RASAL2: variants seen among roughly 807,000 people sequenced by gnomAD.
RASAL2 encodes the protein ras GTPase-activating protein nGAP.
In RASAL2, 58 loss-of-function variants were observed where a neutral mutation model predicts 128.9. The observed-to-expected ratio is 0.45, with a 90% confidence interval of 0.36 to 0.56. The LOEUF is 0.56. RASAL2 is among the 20% of genes least tolerant of loss of function. The pLI is 0.00. For synonymous variants in RASAL2, 561 were observed against 580.8 expected (o/e 0.97, Z 0.49); for missense variants, 1,360 against 1,601.6 (o/e 0.85, Z 2.57).
intron 1 of RASAL2, among the ~76,000 whole-genome samples, chr1:178,103,962 G>T (rs1354688781): frequency 6.6e-6 from 1 of 151,660 alleles, no homozygotes; most frequent in Admixed American, 6.6e-5. Flanking sequence ...CCTTTATTTT[G>T]TAACCTCAGA....
At chr1:178,431,767 G>A (rs1007819533) in intron 5 of RASAL2, among the ~76,000 whole-genome samples, 3 of 151,456 alleles carry the variant, frequency 2.0e-5, no homozygotes, top group Non-Finnish European at 4.4e-5. Flanking sequence ...GTTCCAATAT[G>A]GATAGAAGTC....
intron 1 of RASAL2, among the ~76,000 whole-genome samples, chr1:178,244,754 G>A (rs1052004861): frequency 7.2e-5 from 11 of 152,076 alleles, no homozygotes; most frequent in African/African-American, 2.2e-4. Flanking sequence ...AGGCCCCGGT[G>A]TGTGATGATC....
chr1:178,152,302 C>T (rs192303026), intron 1 of RASAL2, among the ~76,000 whole-genome samples: 1 of 152,300 alleles, frequency 6.6e-6, no homozygotes, highest in East Asian at 1.9e-4. Flanking sequence ...CTATGTGTCC[C>T]TCTTCCCCAT....
intron 1 of RASAL2, among the ~76,000 whole-genome samples, chr1:178,127,106 C>T (rs1343539665): frequency 1.3e-5 from 2 of 152,130 alleles, no homozygotes; most frequent in African/African-American, 2.4e-5. Context: ...GTTGACTCAA[C>T]CTGTAATGAT....
intron 3 of RASAL2, among the ~76,000 whole-genome samples, chr1:178,380,169 G>T (rs1384043737): frequency 1.3e-5 from 2 of 152,162 alleles, no homozygotes; most frequent in African/African-American, 2.4e-5. Flanking sequence ...GATTACAGGC[G>T]TGAGTCACCG....
chr1:178,341,509 C>A (rs1178740652), intron 3 of RASAL2: 2 of 1,595,906 alleles, frequency 1.3e-6, no homozygotes, highest in Non-Finnish European at 1.7e-6. Context: ...GGAAAGCGAG[C>A]ACAGGCGAGT....
At chr1:178,379,101 TAAA>T (rs1260010114) in intron 3 of RASAL2, among the ~76,000 whole-genome samples, 1 of 152,130 alleles carries the variant, frequency 6.6e-6, no homozygotes, top group Non-Finnish European at 1.5e-5. Context: ...TAGACTATTA[TAAA>T]AAAGACCTTT....
rs1422668270 is a variant in RASAL2, at chr1:178,466,065, A to C, written c.3533A>C (p.Glu1178Ala). 1 of 1,582,394 alleles carries C rather than the reference A, an allele frequency of 6.3e-7. No homozygotes were observed. ...EYKARLEDSE[E>A]RLRRQQEEKD... is the part of the protein sequence containing the mutation. ...AAGGCCCGACTGGAGGACAGCGAGG[A>C]GCGGCTCCGAAGACAGCAGGAAGAA... Residue 1178 changes from glutamate (E) to alanine (A), a missense_variant, in exon 16 of 18, where the codon GAG becomes GCG. Physicochemically the swap from Glu to Ala is moderately radical, Grantham distance 107. Transcript: ENST00000367649.
intron 1 of RASAL2, among the ~76,000 whole-genome samples, chr1:178,240,141 C>T (rs1384330108): frequency 6.6e-6 from 1 of 151,994 alleles, no homozygotes; most frequent in Non-Finnish European, 1.5e-5. Flanking sequence ...GTTTTATGAA[C>T]ATATGTTGTC....
At chr1:178,286,041 G>C (rs905422473) in intron 2 of RASAL2, among the ~76,000 whole-genome samples, 5 of 152,078 alleles carry the variant, frequency 3.3e-5, no homozygotes, top group Admixed American at 6.5e-5. Context: ...CTAAACACCT[G>C]GGTAACCCTC....
chr1:178,109,702 CT>C (rs1340937779), intron 1 of RASAL2, among the ~76,000 whole-genome samples: 1 of 152,090 alleles, frequency 6.6e-6, no homozygotes, highest in Non-Finnish European at 1.5e-5. Flanking sequence ...GTATTTCATT[CT>C]GACCAATTCA....
chr1:178,119,649 G>T (rs539912417), intron 1 of RASAL2, among the ~76,000 whole-genome samples: 2 of 152,332 alleles, frequency 1.3e-5, no homozygotes, highest in South Asian at 4.1e-4. Context: ...TAGTTCTGCA[G>T]CTGTGGTGTT....
intron 1 of RASAL2, among the ~76,000 whole-genome samples, chr1:178,251,218 C>T (rs964717131): frequency 3.9e-5 from 6 of 152,048 alleles, no homozygotes; most frequent in Admixed American, 1.3e-4. Context: ...CATGGGAGAT[C>T]GTAAAGAAAA....
chr1:178,167,703 G>T (rs1661565090), intron 1 of RASAL2, among the ~76,000 whole-genome samples: 1 of 151,938 alleles, frequency 6.6e-6, no homozygotes, highest in Non-Finnish European at 1.5e-5. Context: ...ATCCATTGAT[G>T]ACTTGCCCAA....
At chr1:178,349,656 A>T (rs1428454875) in intron 3 of RASAL2, among the ~76,000 whole-genome samples, 1 of 151,884 alleles carries the variant, frequency 6.6e-6, no homozygotes, top group Non-Finnish European at 1.5e-5. Context: ...TTATAATAGT[A>T]ATATATATAA....
chr1:178,257,475 C>T (rs1253820793), intron 1 of RASAL2, among the ~76,000 whole-genome samples: 8 of 140,716 alleles, frequency 5.7e-5, no homozygotes, highest in Non-Finnish European at 1.2e-4. Context: ...AATCAAGTGT[C>T]TAATAAAACT....
chr1:178,149,967 A>C (rs971797405), intron 1 of RASAL2, among the ~76,000 whole-genome samples: 2 of 152,092 alleles, frequency 1.3e-5, no homozygotes, highest in African/African-American at 4.8e-5. Context: ...TTCTATTAGT[A>C]TTGGTTTCTG....
chr1:178,409,504 A>C (rs184761039), intron 4 of RASAL2, among the ~76,000 whole-genome samples: 17 of 152,340 alleles, frequency 1.1e-4, no homozygotes, highest in Admixed American at 1.0e-3. Context: ...GAATATGAGC[A>C]GTGGTAAACA....
At position 178,253,340 on chromosome 1, in the gene RASAL2, A is replaced by G. The variant is rs1297170350; in HGVS notation, c.203-30224A>G. On this transcript the variant is annotated intron_variant, in intron 1 of 17. Coordinates refer to ENST00000367649, the MANE Select transcript of RASAL2 (RefSeq NM_170692.4). ...AACTTAATTACGTCTGCAATGACCC[A>G]TATTTTCAAATAGGGTCACAATCGC... Among the ~76,000 whole-genome samples, 3 of 152,306 alleles carry G rather than the reference A, an allele frequency of 2.0e-5. No individual in the cohort carries two copies. The East Asian group carries it at 5.8e-4, about 29-fold the overall frequency.
Sources: gnomAD v4.1 joint callset for allele counts (sites outside exome capture counted in the v4.1 genomes callset) on GRCh38, gnomAD v4.1.1 for gene constraint, MANE v1.5 for transcripts, NCBI Gene and HGNC (gene_info 2026-07-23, HGNC 2026-07-21) for gene names.